Variants in HNRNPA0 observed in about 807,000 individuals in gnomAD.
The protein encoded by HNRNPA0 is hnRNA binding protein.
For synonymous variants in HNRNPA0, 243 were observed against 195.5 expected, an observed-to-expected ratio of 1.24 and a Z score of -2.03; for missense variants, 252 against 433.7, an observed-to-expected ratio of 0.58 and a Z score of 3.72.
At position 137,754,068 on chromosome 5, in the gene HNRNPA0, T is replaced by C. The variant is rs772080943; in HGVS notation, c.-2A>G. On this transcript the variant is annotated 5_prime_UTR_variant, in exon 1 of 1. Transcript: ENST00000314940. The stretch of plus-strand genomic sequence containing the variant: ...CTTACACAACTGAGAATTCTCCATC[T>C]CCAAGGCCCGGGCCTTGCCCCCGCC... The C allele has an allele frequency of 6.2e-7, 1 of 1,606,408 alleles. No homozygotes were observed. The highest frequency in any genetic ancestry group is 1.1e-5 in the South Asian group (1 of 90,572).
rs959023179 is a variant in HNRNPA0 at position 137,751,878 on chromosome 5, C to A, written c.*1271G>T. 9 of 152,632 alleles carry A rather than the reference C, an allele frequency of 5.9e-5. No individual in the cohort carries two copies. Among genetic ancestry groups the A allele is most frequent in the African/African-American group, 2.2e-4 (9 of 41,446 alleles). 9.5% of individuals were successfully genotyped at this position (152,632 alleles called of 1,614,324 possible). A position where few individuals can be genotyped will look rare whatever the true frequency, so the allele number is the denominator to read the frequency against. On this transcript the variant is annotated 3_prime_UTR_variant, in exon 1 of 1. Transcript: ENST00000314940. ...ATTTTCAAACCTCATATAGAAAGGG[C>A]TATTGTGATATGAACTGGCAACTAC...
In HNRNPA0 at chr5:137,753,089, C is replaced by T; in HGVS notation, c.*60G>A. ...GGGGGTGGGGCTTAGGAGTTGACCC[C>T]ACTTGGGCTGTTGGAAAGAGCTACC... On this transcript the variant is annotated 3_prime_UTR_variant, in exon 1 of 1. Coordinates refer to ENST00000314940, the MANE Select transcript of HNRNPA0 (RefSeq NM_006805.4). The surrounding 1 kb of genome is among the most constrained non-coding windows in gnomAD (Gnocchi z 6.1). The T allele has an allele frequency of 6.5e-7, 1 of 1,532,066 alleles. No homozygotes were observed. The highest frequency in any genetic ancestry group is 8.9e-7 in the Non-Finnish European group (1 of 1,128,540). 94.9% of individuals were successfully genotyped at this position (1,532,066 alleles called of 1,614,324 possible). A position where few individuals can be genotyped will look rare whatever the true frequency, so the allele number is the denominator to read the frequency against.
Position 137,751,664 on chromosome 5 carries a change from G to A in HNRNPA0, c.*1485C>T, listed in dbSNP as rs1167068881. On this transcript the variant is annotated 3_prime_UTR_variant, in exon 1 of 1. Transcript: ENST00000314940. Reference sequence around the variant, plus strand: ...GCAATTTTCACCTATTATCACTTTTGTTCTTCTCTTATAAACAACAACTTG... The same window carrying A: ...GCAATTTTCACCTATTATCACTTTTATTCTTCTCTTATAAACAACAACTTG... 1 of 152,098 alleles carries A rather than the reference G, an allele frequency of 6.6e-6. No homozygotes were observed. Among genetic ancestry groups the A allele is most frequent in the Non-Finnish European group, 1.5e-5 (1 of 67,916 alleles). The allele number at this position is 152,098 out of a possible 1,614,324, so 9.4% of individuals were successfully genotyped here. A position where few individuals can be genotyped will look rare whatever the true frequency, so the allele number is the denominator to read the frequency against.
In HNRNPA0 at chr5:137,750,939, A is replaced by C. The variant is rs1753485786; in HGVS notation, c.*2210T>G. 1 of 152,182 alleles carries C rather than the reference A, an allele frequency of 6.6e-6. No individual in the cohort carries two copies. The highest frequency in any genetic ancestry group is 1.5e-5 in the Non-Finnish European group (1 of 68,008). The allele number at this position is 152,182 out of a possible 1,614,324, so 9.4% of individuals were successfully genotyped here. ...CAGATCTTCCCACCAAAACTGAGTA[A>C]GTCAAGCAGAGTAGTATTTAACAAT... On this transcript the variant is annotated 3_prime_UTR_variant, in exon 1 of 1. Transcript: ENST00000314940.
rs1753457537 is a variant in HNRNPA0, at chr5:137,749,271, T to A, written c.*3878A>T. On this transcript the variant is annotated 3_prime_UTR_variant, in exon 1 of 1. Coordinates refer to ENST00000314940, the MANE Select transcript of HNRNPA0 (RefSeq NM_006805.4). ...ATTAAAGAGACAAAGAAAGCCTGCCTGAATAGAGAAGGAAACAGTTAAGAA... is the reference window on the plus strand; with the variant it reads ...ATTAAAGAGACAAAGAAAGCCTGCCAGAATAGAGAAGGAAACAGTTAAGAA... The A allele has an allele frequency of 6.6e-6, 1 of 152,154 alleles. No homozygotes were observed. Among genetic ancestry groups the A allele is most frequent in the East Asian group, 1.9e-4 (1 of 5,196 alleles). 9.4% of individuals were successfully genotyped at this position (152,154 alleles called of 1,614,324 possible).
rs909900602 is a variant in HNRNPA0, at chr5:137,752,998, C to A, written c.*151G>T. 1.3e-6 allele frequency: 1 copy of A among 751,252 alleles called. No homozygotes were observed. The allele number at this position is 751,252 out of a possible 1,614,324, so 46.5% of individuals were successfully genotyped here. A position where few individuals can be genotyped will look rare whatever the true frequency, so the allele number is the denominator to read the frequency against. ...AGGTGGCAGGCAAATAGAGGAACAC[C>A]CCCAAGGGTAAGCAGCCTTAGAAGT... On this transcript the variant is annotated 3_prime_UTR_variant, in exon 1 of 1. Transcript: ENST00000314940.
chr5:137,753,547 C>A lies in HNRNPA0; in HGVS notation c.520G>T (p.Val174Phe). The A allele has an allele frequency of 1.2e-6, 2 of 1,612,792 alleles. No individual in the cohort carries two copies. Among genetic ancestry groups the A allele is most frequent in the Non-Finnish European group, 1.7e-6 (2 of 1,179,120 alleles). ...CCGGAGTAGATATCCTCCTTGGGGA[C>A]TGCTTTCTTCACCTCCACGCGATGG... ...QGHRVEVKKAVPKEDIYSGGG... is the reference protein window; with the variant it reads ...QGHRVEVKKAFPKEDIYSGGG... Residue 174 changes from valine to phenylalanine, a missense_variant, in exon 1 of 1, where the codon GTC (valine) becomes TTC (phenylalanine). Val to Phe is a conservative substitution (Grantham distance 50). Transcript: ENST00000314940. The surrounding 1 kb of genome is among the most constrained non-coding windows in gnomAD (Gnocchi z 6.1).
In HNRNPA0 at chr5:137,753,328, C is replaced by T; in HGVS notation, c.739G>A (p.Asp247Asn). The T allele has an allele frequency of 6.4e-7, 1 of 1,560,382 alleles. No individual in the cohort carries two copies. Among genetic ancestry groups the T allele is most frequent in the Non-Finnish European group, 8.7e-7 (1 of 1,152,444 alleles). The change falls in exon 1 of 1, where the codon GAC becomes AAC. Residue 247 changes from aspartate to asparagine, a missense_variant. Physicochemically the swap from Asp to Asn is conservative, Grantham distance 23. Transcript: ENST00000314940. The surrounding 1 kb of genome is among the most constrained non-coding windows in gnomAD (Gnocchi z 6.1). The part of the protein sequence containing the change: ...GGGGSSYGGS[D>N]YGNGFGGFGS... ...AAGCCGCCGAAGCCGTTACCGTAGT[C>T]GCTCCCACCGTAGGACGAACCGCCG... is the stretch of plus-strand genomic sequence containing the variant.
At position 137,751,088 on chromosome 5, in the gene HNRNPA0, A is replaced by G. The variant is rs1395144675; in HGVS notation, c.*2061T>C. On this transcript the variant is annotated 3_prime_UTR_variant, in exon 1 of 1. Transcript: ENST00000314940. ...GTAATTTGTGTATCACTAGAATTAA[A>G]AAATAAGACAGAAATGTATGGAAAG... 6.6e-6 allele frequency: 1 copy of G among 152,182 alleles called. No individual in the cohort carries two copies. Among genetic ancestry groups the G allele is most frequent in the Non-Finnish European group, 1.5e-5 (1 of 68,020 alleles). The allele number at this position is 152,182 out of a possible 1,614,324, so 9.4% of individuals were successfully genotyped here. A position where few individuals can be genotyped will look rare whatever the true frequency, so the allele number is the denominator to read the frequency against.
chr5:137,753,800 C>T lies in HNRNPA0; in HGVS notation c.267G>A (p.Ala89=). The T allele has an allele frequency of 6.2e-7, 1 of 1,610,650 alleles. No individual in the cohort carries two copies. Among genetic ancestry groups the T allele is most frequent in the Non-Finnish European group, 8.5e-7 (1 of 1,180,012 alleles). ...LKRAVSREDS[A]RPGAHAKVKK... ...TAACCTTGGCGTGGGCACCGGGCCG[C>T]GCCGAATCCTCCCGGGACACCGCCC... Residue 89 remains alanine (A), a synonymous_variant, in exon 1 of 1, where the codon GCG becomes GCA. Transcript: ENST00000314940. This position sits in a 1 kb window ranked among gnomAD's most constrained non-coding sequence, Gnocchi z 6.1.
In HNRNPA0 at chr5:137,749,542, T is replaced by C. The variant is rs1231685017; in HGVS notation, c.*3607A>G. On this transcript the variant is annotated 3_prime_UTR_variant, in exon 1 of 1. Coordinates refer to ENST00000314940, the MANE Select transcript of HNRNPA0 (RefSeq NM_006805.4). Reference sequence around the variant, plus strand: ...CTCAAAAGCAGGACAGCTAAGGAGTTATTTGACTAGGCAGTCTTTGTTGCT... The same window carrying C: ...CTCAAAAGCAGGACAGCTAAGGAGTCATTTGACTAGGCAGTCTTTGTTGCT... 4.6e-5 allele frequency: 7 copies of C among 152,312 alleles called. No individual in the cohort carries two copies. In the East Asian group the frequency reaches 1.2e-3, roughly 25 times the overall value. 9.4% of individuals were successfully genotyped at this position (152,312 alleles called of 1,614,324 possible). A position where few individuals can be genotyped will look rare whatever the true frequency, so the allele number is the denominator to read the frequency against.
chr5:137,753,863 C>A lies in HNRNPA0; in HGVS notation c.204G>T (p.Ser68=). The A allele has an allele frequency of 6.2e-7, 1 of 1,613,146 alleles. No homozygotes were observed. Among genetic ancestry groups the A allele is most frequent in the Non-Finnish European group, 8.5e-7 (1 of 1,180,010 alleles). ...CAGTGTTGCCGTCCACGGCATGGGG[C>A]GAGGCGGCCATGGCGGCGTCCGCCT... ...VEEADAAMAA[S]PHAVDGNTVE... Residue 68 remains serine (S), a synonymous_variant, in exon 1 of 1, where the codon TCG becomes TCT. Transcript: ENST00000314940. The surrounding 1 kb of genome is among the most constrained non-coding windows in gnomAD (Gnocchi z 6.1).
At position 137,754,357 on chromosome 5, in the gene HNRNPA0, CA is replaced by C. The variant is rs1373236662; in HGVS notation, c.-292del. 7.1e-6 allele frequency: 3 copies of C among 424,200 alleles called. No homozygotes were observed. The highest frequency in any genetic ancestry group is 1.3e-5 in the Non-Finnish European group (3 of 226,096). 26.3% of individuals were successfully genotyped at this position (424,200 alleles called of 1,614,324 possible). A position where few individuals can be genotyped will look rare whatever the true frequency, so the allele number is the denominator to read the frequency against. On this transcript the variant is annotated 5_prime_UTR_variant, in exon 1 of 1. Transcript: ENST00000314940. ...TCCGCTCCCCTATCTGGGCACCACA[CA>C]AAGAGGCCGCTGAACGCGCGCGCAC...
chr5:137,752,992 G>A lies in HNRNPA0; in HGVS notation c.*157C>T, dbSNP rs1017174209. ...CAAGAGAGGTGGCAGGCAAATAGAG[G>A]AACACCCCCAAGGGTAAGCAGCCTT... On this transcript the variant is annotated 3_prime_UTR_variant, in exon 1 of 1. Coordinates refer to ENST00000314940, the MANE Select transcript of HNRNPA0 (RefSeq NM_006805.4). 2 of 684,584 alleles carry A rather than the reference G, an allele frequency of 2.9e-6. No homozygotes were observed. Among genetic ancestry groups the A allele is most frequent in the East Asian group, 2.8e-5 (1 of 36,194 alleles). The allele number at this position is 684,584 out of a possible 1,614,324, so 42.4% of individuals were successfully genotyped here.
rs1364120933 is a variant in HNRNPA0, at chr5:137,753,152, G to A, written c.915C>T (p.Phe305=). The A allele has an allele frequency of 6.2e-7, 1 of 1,611,426 alleles. No individual in the cohort carries two copies. The highest frequency in any genetic ancestry group is 8.5e-7 in the Non-Finnish European group (1 of 1,178,730). Residue 305 remains phenylalanine (F), a synonymous_variant, in exon 1 of 1, where the codon TTC becomes TTT. Coordinates refer to ENST00000314940, the MANE Select transcript of HNRNPA0 (RefSeq NM_006805.4). This position sits in a 1 kb window ranked among gnomAD's most constrained non-coding sequence, Gnocchi z 6.1. ...GGGGGYGGSS[F] ...CCCAGGCATTTTAAATTTTCTTTTA[G>A]AAGGAGCTGCCTCCATAGCCACCCC...
rs903318616 is a variant in HNRNPA0, at chr5:137,746,482, C to A, written c.*6667G>T. 6.6e-6 allele frequency: 1 copy of A among 152,218 alleles called. No homozygotes were observed. The highest frequency in any genetic ancestry group is 1.5e-5 in the Non-Finnish European group (1 of 68,078). The allele number at this position is 152,218 out of a possible 1,614,324, so 9.4% of individuals were successfully genotyped here. A position where few individuals can be genotyped will look rare whatever the true frequency, so the allele number is the denominator to read the frequency against. On this transcript the variant is annotated 3_prime_UTR_variant, in exon 1 of 1. Coordinates refer to ENST00000314940, the MANE Select transcript of HNRNPA0 (RefSeq NM_006805.4). Reference sequence around the variant, plus strand: ...ATTTCTTCAGAGGCCAGACACAGTCCTGCTTCAGGGCTTTTGCTCTTCCTA... The same window carrying A: ...ATTTCTTCAGAGGCCAGACACAGTCATGCTTCAGGGCTTTTGCTCTTCCTA...
rs774951820 is a variant in HNRNPA0 at position 137,753,386 on chromosome 5, T to G, written c.681A>C (p.Gly227=). The G allele has an allele frequency of 3.2e-6, 5 of 1,544,224 alleles. No homozygotes were observed. Among genetic ancestry groups the G allele is most frequent in the South Asian group, 1.2e-5 (1 of 84,026 alleles). The change falls in exon 1 of 1, where the codon GGA becomes GGC. Residue 227 remains glycine, a synonymous_variant. Coordinates refer to ENST00000314940, the MANE Select transcript of HNRNPA0 (RefSeq NM_006805.4). The surrounding 1 kb of genome is among the most constrained non-coding windows in gnomAD (Gnocchi z 6.1). ...YNSYGGYGGG[G]GGGYNAYGGG... ...CTCCGTAGGCATTGTAGCCGCCGCC[T>G]CCGCCGCCGCCGTAACCACCGTAGC...
rs543679630 is a variant in HNRNPA0, at chr5:137,748,582, G to T, written c.*4567C>A. The T allele has an allele frequency of 1.6e-4, 25 of 152,180 alleles. 1 individual carries two copies. The highest frequency in any genetic ancestry group is 5.8e-4 in the African/African-American group (24 of 41,516). 9.4% of individuals were successfully genotyped at this position (152,180 alleles called of 1,614,324 possible). A position where few individuals can be genotyped will look rare whatever the true frequency, so the allele number is the denominator to read the frequency against. On this transcript the variant is annotated 3_prime_UTR_variant, in exon 1 of 1. Coordinates refer to ENST00000314940, the MANE Select transcript of HNRNPA0 (RefSeq NM_006805.4). ...TTATATGCATTCTTTCACTGAATCT[G>T]CCCAACAATCCTATGTAGCAGGTAT...
rs907456860 is a variant in HNRNPA0, at chr5:137,754,108, G to A, written c.-42C>T. 4 of 1,556,068 alleles carry A rather than the reference G, an allele frequency of 2.6e-6. No individual in the cohort carries two copies. Among genetic ancestry groups the A allele is most frequent in the Middle Eastern group, 1.7e-4 (1 of 5,846 alleles). ...TTGCCCCCGCCCTGCGAGCTCCGAG[G>A]TTTCGCCGTCGCCGCCGTTATCGTT... is the stretch of plus-strand genomic sequence containing the variant. On this transcript the variant is annotated 5_prime_UTR_variant, in exon 1 of 1. Coordinates refer to ENST00000314940, the MANE Select transcript of HNRNPA0 (RefSeq NM_006805.4).
Sources: allele counts gnomAD v4.1 joint callset, GRCh38; gene constraint gnomAD v4.1.1; non-coding constraint Gnocchi (gnomAD v3.1); transcripts MANE v1.5; gene names NCBI Gene and HGNC (gene_info 2026-07-23, HGNC 2026-07-21).